The following CTSD variants were observed in gnomAD, a reference collection of about 807,000 sequenced individuals.
CTSD encodes the protein cathepsin D.
In CTSD, 28 loss-of-function variants were observed where a neutral mutation model predicts 43.6. The observed-to-expected ratio is 0.64, with a 90% CI of 0.48 to 0.88. The LOEUF is 0.88. CTSD is among the 40% of genes least tolerant of loss of function. The pLI, the probability that CTSD is intolerant of heterozygous loss-of-function variation, is 0.00. For synonymous variants in CTSD, 270 were observed against 249.8 expected (o/e 1.08, Z -0.76); for missense variants, 485 against 555.2 (o/e 0.87, Z 1.27).
chr11:1,754,115 G>T lies in CTSD; in HGVS notation c.851C>A (p.Thr284Asn). Reference protein sequence around the residue: ...LDQVEVASGLTLCKEGCEAIV... With the variant: ...LDQVEVASGLNLCKEGCEAIV... Reference sequence around the variant, plus strand: ...GGCCTCACAGCCCTCCTTGCACAGGGTCAGCCCGCTGGCCACCTCCACCCT... The same window carrying T: ...GGCCTCACAGCCCTCCTTGCACAGGTTCAGCCCGCTGGCCACCTCCACCCT... The change falls in exon 7 of 9, where the codon ACC (threonine) becomes AAC (asparagine). Residue 284 changes from threonine (T) to asparagine (N), a missense_variant. Thr to Asn is a moderately conservative substitution (Grantham distance 65). Transcript: ENST00000236671. 1.2e-6 allele frequency: 2 copies of T among 1,610,462 alleles called. No individual in the cohort carries two copies. Among genetic ancestry groups the T allele is most frequent in the South Asian group, 1.1e-5 (1 of 91,038 alleles).
Position 1,753,438 on chromosome 11 carries a change from G to C in CTSD, c.*65C>G, listed in dbSNP as rs1845752118. 11 of 1,593,738 alleles carry C rather than the reference G, an allele frequency of 6.9e-6. No individual in the cohort carries two copies. The South Asian group carries it at 1.1e-4, about 16-fold the overall frequency. ...TGGGTGTGTGTGGGAGGGGCCGCTG[G>C]GCCAGGGGCCTCCTGCTCTGGGACT... On this transcript the variant is annotated 3_prime_UTR_variant, in exon 9 of 9. Transcript: ENST00000236671.
rs912202852 is a variant in CTSD at position 1,755,406 on chromosome 11, T to C, written c.705-378A>G. The C allele has an allele frequency of 4.3e-5, 15 of 350,574 alleles. 1 individual carries two copies. The highest frequency in any genetic ancestry group is 3.0e-4 in the African/African-American group (14 of 47,048). The allele number at this position is 350,574 out of a possible 1,614,324, so 21.7% of individuals were successfully genotyped here. A position where few individuals can be genotyped will look rare whatever the true frequency, so the allele number is the denominator to read the frequency against. ...CTGGAAGAAAAAACCAAAGAAGGCT[T>C]CCAGGAGGGAGTGATGGCACAATCT... On this transcript the variant is annotated intron_variant, in intron 5 of 8. Coordinates refer to ENST00000236671, the MANE Select transcript of CTSD (RefSeq NM_001909.5).
At position 1,757,520 on chromosome 11, in the gene CTSD, C is replaced by T. The variant is rs904430565; in HGVS notation, c.508G>A (p.Gly170Ser). The T allele has an allele frequency of 3.1e-6, 5 of 1,613,344 alleles. No homozygotes were observed. In the African/African-American group the frequency reaches 5.3e-5, roughly 17 times the overall value. ...CQSASSASAL[G>S]GVKVERQVFG... ...ACCTGCCTCTCCACTTTGACACCGC[C>T]CAGGGCAGAGGCTGACGACGCTGAC... Residue 170 changes from glycine (G) to serine (S), a missense_variant, in exon 5 of 9, where the codon GGC (glycine) becomes AGC (serine). By Grantham distance (56) the Gly-to-Ser change is moderately conservative (BLOSUM62 0). Transcript: ENST00000236671.
intron 8 of CTSD, 51 bp from the exon 9 acceptor site, chr11:1,753,721 C>CA (rs1565018610): frequency 6.2e-7 from 1 of 1,609,842 alleles, no homozygotes; most frequent in East Asian, 2.2e-5. Flanking sequence ...CCCGCCCCCC[C>CA]ACCTGTTGCC....
At chr11:1,756,127 A>C (rs967979755) in intron 5 of CTSD, among the ~76,000 whole-genome samples, 3 of 127,328 alleles carry the variant, frequency 2.4e-5, no homozygotes, top group South Asian at 2.6e-4. Flanking sequence ...CCTCCCCCAC[A>C]TGGGCACTCA....
chr11:1,762,204 C>A (rs1296573218), intron 1 of CTSD: 1 of 153,862 alleles, frequency 6.5e-6, no homozygotes, highest in South Asian at 2.0e-4. Flanking sequence ...TGTGCTGCCC[C>A]CCCCACCGCC....
chr11:1,753,245 A>C lies in CTSD; in HGVS notation c.*258T>G, dbSNP rs1393589515. The C allele has an allele frequency of 1.8e-6, 1 of 560,054 alleles. No individual in the cohort carries two copies. The highest frequency in any genetic ancestry group is 3.2e-6 in the Non-Finnish European group (1 of 310,402). 34.7% of individuals were successfully genotyped at this position (560,054 alleles called of 1,614,324 possible). ...CTTGGGTGGGGTCTTCCAATGCACGAAACAGATCTGTGCTCTGGATCAGCT... is the reference window on the plus strand; with the variant it reads ...CTTGGGTGGGGTCTTCCAATGCACGCAACAGATCTGTGCTCTGGATCAGCT... On this transcript the variant is annotated 3_prime_UTR_variant, in exon 9 of 9. Transcript: ENST00000236671.
chr11:1,753,641 C>A lies in CTSD; in HGVS notation c.1101G>T (p.Leu367=). 1.9e-6 allele frequency: 3 copies of A among 1,612,926 alleles called. No homozygotes were observed. The highest frequency in any genetic ancestry group is 2.5e-6 in the Non-Finnish European group (3 of 1,179,868). ...KVSQAGKTLC[L]SGFMGMDIPP... The stretch of plus-strand genomic sequence containing the variant: ...GGATGTCCATGCCCATGAAGCCGCT[C>A]AGGCAGAGGGTCTTCCCGGCCTGCG... The change falls in exon 9 of 9, where the codon CTG becomes CTT. Residue 367 remains leucine, a synonymous_variant. Coordinates refer to ENST00000236671, the MANE Select transcript of CTSD (RefSeq NM_001909.5).
intron 4 of CTSD, among the ~76,000 whole-genome samples, chr11:1,758,743 C>T (rs987421982): frequency 1.3e-5 from 2 of 152,126 alleles, no homozygotes; most frequent in African/African-American, 4.8e-5. Context: ...GGCCTGACTC[C>T]GGGGACCCCT....
intron 6 of CTSD, 78 bp from the exon 7 acceptor site, chr11:1,754,216 C>G: frequency 6.5e-7 from 1 of 1,527,206 alleles, no homozygotes; most frequent in Non-Finnish European, 8.9e-7. Flanking sequence ...CCTGGGAGCC[C>G]CTCCCCTGGC....
chr11:1,759,707 C>A, intron 2 of CTSD, 68 bp from the exon 3 acceptor site: 1 of 1,527,232 alleles, frequency 6.5e-7, no homozygotes. Context: ...CCTCAGAAGG[C>A]CCGGCTGTCC....
Position 1,754,907 on chromosome 11 carries a change from G to A in CTSD, c.826C>T (p.Gln276Ter). The change falls in exon 6 of 9, where the codon CAG becomes TAG. Residue 276 changes from glutamine to a stop codon, truncating the protein, a stop_gained and splice_region_variant. Coordinates refer to ENST00000236671, the MANE Select transcript of CTSD (RefSeq NM_001909.5). LOFTEE classifies it high-confidence loss of function. Reference sequence around the variant, plus strand: ...GAGCCGACTGCAGCCACTACTCACTGGTCCAGGTGGACCTGCCAGTAGGCC... The same window carrying A: ...GAGCCGACTGCAGCCACTACTCACTAGTCCAGGTGGACCTGCCAGTAGGCC... ...RKAYWQVHLD[Q>*]VEVASGLTLC... 6.2e-7 allele frequency: 1 copy of A among 1,613,802 alleles called. No individual in the cohort carries two copies. The highest frequency in any genetic ancestry group is 8.5e-7 in the Non-Finnish European group (1 of 1,179,880).
At chr11:1,754,299 G>T in intron 6 of CTSD, 161 bp from the exon 7 acceptor site, 1 of 804,332 alleles carries the variant, frequency 1.2e-6, no homozygotes, top group Non-Finnish European at 2.0e-6. Context: ...AAGAGGGTGG[G>T]AGAGGAGACA....
At chr11:1,754,169 C>A (rs945026250) in intron 6 of CTSD, 31 bp from the exon 7 acceptor site, 31 of 1,600,262 alleles carry the variant, frequency 1.9e-5, no homozygotes, top group Non-Finnish European at 2.5e-5. Context: ...AAGCCCCTGC[C>A]GGGACTGGAG....
Position 1,753,360 on chromosome 11 carries a change from G to C in CTSD, c.*143C>G, listed in dbSNP as rs1044836433. ...AAACCACAGAACAAAACAGCAAGTC[G>C]GGCTTGGGCCGCCGGCTTCCAGGGC... On this transcript the variant is annotated 3_prime_UTR_variant, in exon 9 of 9. Transcript: ENST00000236671. The C allele has an allele frequency of 4.2e-6, 4 of 945,168 alleles. No homozygotes were observed. Among genetic ancestry groups the C allele is most frequent in the Non-Finnish European group, 6.8e-6 (4 of 591,528 alleles). 58.5% of individuals were successfully genotyped at this position (945,168 alleles called of 1,614,324 possible).
Position 1,757,473 on chromosome 11 carries a change from C to A in CTSD, c.555G>T (p.Gln185His). Residue 185 changes from glutamine (Q) to histidine (H), a missense_variant, in exon 5 of 9, where the codon CAG becomes CAT. By Grantham distance (24) the Gln-to-His change is conservative. Coordinates refer to ENST00000236671, the MANE Select transcript of CTSD (RefSeq NM_001909.5). The stretch of plus-strand genomic sequence containing the variant: ...TGGCTGCGATGAAGGTGATGCCTGG[C>A]TGCTTGGTGGCCTCCCCAAAGACCT... ...ERQVFGEATK[Q>H]PGITFIAAKF... The A allele has an allele frequency of 6.2e-7, 1 of 1,614,026 alleles. No individual in the cohort carries two copies. The highest frequency in any genetic ancestry group is 8.5e-7 in the Non-Finnish European group (1 of 1,180,018).
rs767282477 is a variant in CTSD, at chr11:1,757,454, C to T, written c.574G>A (p.Ala192Thr). The T allele has an allele frequency of 9.9e-6, 16 of 1,614,098 alleles. No homozygotes were observed. Among genetic ancestry groups the T allele is most frequent in the Non-Finnish European group, 1.4e-5 (16 of 1,180,020 alleles). Residue 192 changes from alanine to threonine, a missense_variant, in exon 5 of 9, where the codon GCA (alanine) becomes ACA (threonine). Transcript: ENST00000236671. ...CCCAGGATGCCATCGAACTTGGCTG[C>T]GATGAAGGTGATGCCTGGCTGCTTG... Reference protein sequence around the residue: ...ATKQPGITFIAAKFDGILGMA... With the variant: ...ATKQPGITFITAKFDGILGMA...
At chr11:1,760,047 G>A (rs1298261939) in intron 2 of CTSD, among the ~76,000 whole-genome samples, 1 of 152,242 alleles carries the variant, frequency 6.6e-6, no homozygotes, top group African/African-American at 2.4e-5. Flanking sequence ...CAAGGTCTGA[G>A]AAAGGAAGTG....
In CTSD at chr11:1,754,977, G is replaced by T; in HGVS notation, c.756C>A (p.Ser252=). ...AGGACAGAGAACCCTTGTAATACTT[G>T]GAGTCTGTGCCACCCAGCATCAGCT... is the stretch of plus-strand genomic sequence containing the variant. ...GGELMLGGTD[S]KYYKGSLSYL... The change falls in exon 6 of 9, where the codon TCC becomes TCA. Residue 252 remains serine (S), a synonymous_variant. Transcript: ENST00000236671. 6.2e-7 allele frequency: 1 copy of T among 1,613,910 alleles called. No individual in the cohort carries two copies. The highest frequency in any genetic ancestry group is 8.5e-7 in the Non-Finnish European group (1 of 1,179,912).
Sources: gnomAD v4.1 joint callset for allele counts (sites outside exome capture counted in the v4.1 genomes callset) on GRCh38, gnomAD v4.1.1 for gene constraint, MANE v1.5 for transcripts, NCBI Gene and HGNC (gene_info 2026-07-23, HGNC 2026-07-21) for gene names.